The following CACNA2D3 variants were observed in gnomAD, a reference collection of about 807,000 sequenced individuals.
The protein encoded by CACNA2D3 is voltage-dependent calcium channel subunit alpha-2/delta-3.
CACNA2D3 carries 60 observed loss-of-function variants against 160.6 expected under a neutral mutation model. The observed-to-expected ratio is 0.37, with a 90% CI of 0.30 to 0.46. The LOEUF (loss-of-function observed/expected upper bound fraction) is 0.46, where lower values mean the gene tolerates loss of function less well. Among genes scored for constraint, CACNA2D3 ranks in the 20% least tolerant of loss-of-function variants. The pLI is 1.00. For missense variants in CACNA2D3, 1,205 were observed against 1,365.0 expected (o/e 0.88, Z 1.85); for synonymous variants, 558 against 492.9 (o/e 1.13, Z -1.75).
chr3:54,214,367 A>G (rs779711279), intron 2 of CACNA2D3, among the ~76,000 whole-genome samples: 14 of 152,076 alleles, frequency 9.2e-5, no homozygotes, highest in Non-Finnish European at 1.6e-4. Flanking sequence ...TTGCTTGGTA[A>G]ATACAAAGAG....
chr3:54,987,945 A>C (rs1286415762), intron 31 of CACNA2D3, among the ~76,000 whole-genome samples, 192 bp downstream of exon 31: 2 of 152,214 alleles, frequency 1.3e-5, no homozygotes, highest in East Asian at 3.9e-4. Context: ...TTAGAAACTC[A>C]GTTCACAATG....
chr3:54,298,301 T>C (rs1167801485), intron 2 of CACNA2D3, among the ~76,000 whole-genome samples: 1 of 152,234 alleles, frequency 6.6e-6, no homozygotes, highest in Non-Finnish European at 1.5e-5. Context: ...TTTTCTCAAC[T>C]TGGTATTTAT....
At chr3:54,835,055 A>G (rs1698646697) in intron 14 of CACNA2D3, among the ~76,000 whole-genome samples, 1 of 152,214 alleles carries the variant, frequency 6.6e-6, no homozygotes, top group South Asian at 2.1e-4. Context: ...CAGTTGCTCA[A>G]ACAACTGAGC....
At chr3:54,679,772 C>T (rs746293119) in intron 11 of CACNA2D3, among the ~76,000 whole-genome samples, 1 of 152,200 alleles carries the variant, frequency 6.6e-6, no homozygotes, top group African/African-American at 2.4e-5. Context: ...GTGAATATGG[C>T]GTCCAAAGGC....
intron 11 of CACNA2D3, among the ~76,000 whole-genome samples, chr3:54,666,276 T>G (rs562462806): frequency 6.6e-6 from 1 of 152,310 alleles, no homozygotes; most frequent in South Asian, 2.1e-4. Context: ...AAGAAATGTC[T>G]TCAAAGATAG....
intron 30 of CACNA2D3, among the ~76,000 whole-genome samples, chr3:54,985,039 C>G (rs571302617): frequency 1.4e-4 from 22 of 152,078 alleles, no homozygotes; most frequent in African/African-American, 5.1e-4. Context: ...TTTTTCCTTC[C>G]GATATTTCAT....
chr3:54,645,653 G>A (rs916102115), intron 11 of CACNA2D3, among the ~76,000 whole-genome samples: 6 of 152,220 alleles, frequency 3.9e-5, no homozygotes, highest in African/African-American at 1.2e-4. Flanking sequence ...CCCAGCCTCC[G>A]GGGATTTGTT....
At chr3:54,879,135 A>G in intron 19 of CACNA2D3, 46 bp downstream of exon 19, 1 of 1,269,734 alleles carries the variant, frequency 7.9e-7, no homozygotes, top group African/African-American at 1.5e-5. Flanking sequence ...AAAACAAACC[A>G]CTGTGAAAAA....
rs58297594 is a variant in CACNA2D3, at chr3:54,345,658, T to G, written c.321+25100T>G. Among the ~76,000 whole-genome samples, 678 of 152,226 alleles carry G rather than the reference T, an allele frequency of 4.5e-3. 17 individuals are homozygous for G. The East Asian group carries it at 0.08, about 18-fold the overall frequency. On this transcript the variant is annotated intron_variant, in intron 3 of 37. Transcript: ENST00000474759. ...GAGAACAGGAAAAGGAAGACTTTTT[T>G]TCTCTGTGAGGCTCAGTGTCACTTA...
At chr3:55,032,444 C>G (rs1703705527) in intron 35 of CACNA2D3, among the ~76,000 whole-genome samples, 1 of 152,166 alleles carries the variant, frequency 6.6e-6, no homozygotes, top group South Asian at 2.1e-4. Context: ...ATGCAAATCT[C>G]CATTAGGTGT....
At chr3:54,498,501 A>G (rs918317894) in intron 4 of CACNA2D3, among the ~76,000 whole-genome samples, 4 of 151,956 alleles carry the variant, frequency 2.6e-5, no homozygotes, top group African/African-American at 9.7e-5. Flanking sequence ...CTAGAATTTC[A>G]TAATTTTGTT....
At chr3:54,385,102 A>G (rs558871036) in intron 3 of CACNA2D3, among the ~76,000 whole-genome samples, 32 of 152,154 alleles carry the variant, frequency 2.1e-4, no homozygotes, top group Non-Finnish European at 3.1e-4. Flanking sequence ...GAGGTGAGGA[A>G]TGGGATGAAT....
chr3:54,176,115 G>T (rs1700672872), intron 2 of CACNA2D3, among the ~76,000 whole-genome samples: 1 of 152,186 alleles, frequency 6.6e-6, no homozygotes, highest in South Asian at 2.1e-4. Flanking sequence ...AGTTCAACAT[G>T]CACAAAGCAC....
At chr3:55,052,448 C>A (rs1026898070) in intron 35 of CACNA2D3, among the ~76,000 whole-genome samples, 1 of 122,300 alleles carries the variant, frequency 8.2e-6, no homozygotes. Context: ...ATGTATATAC[C>A]TGTGTGTGTA....
intron 4 of CACNA2D3, among the ~76,000 whole-genome samples, chr3:54,388,920 C>T (rs9852076): frequency 2.5e-4 from 38 of 152,152 alleles, no homozygotes; most frequent in African/African-American, 8.4e-4. Context: ...GTGACAGAAA[C>T]TCAACTCATA....
At chr3:54,655,664 C>T (rs1167488233) in intron 11 of CACNA2D3, among the ~76,000 whole-genome samples, 2 of 152,164 alleles carry the variant, frequency 1.3e-5, no homozygotes, top group South Asian at 2.1e-4. Flanking sequence ...TTTACCTGAA[C>T]TCCTGGTATC....
chr3:54,641,621 T>A (rs997905250), intron 10 of CACNA2D3, among the ~76,000 whole-genome samples: 1 of 152,218 alleles, frequency 6.6e-6, no homozygotes, highest in African/African-American at 2.4e-5. Flanking sequence ...TAAATAAATA[T>A]ATTTTGGAGT....
chr3:54,298,421 C>A (rs1559913918), intron 2 of CACNA2D3, among the ~76,000 whole-genome samples: 1 of 152,202 alleles, frequency 6.6e-6, no homozygotes, highest in Non-Finnish European at 1.5e-5. Flanking sequence ...ATGTGAACTT[C>A]AGGTTCATAA....
chr3:54,789,668 C>T (rs541331184), intron 13 of CACNA2D3, among the ~76,000 whole-genome samples: 5 of 152,270 alleles, frequency 3.3e-5, no homozygotes, highest in African/African-American at 1.2e-4. Flanking sequence ...TGATCTATGC[C>T]TCTGTTTCAT....
Sources: gnomAD v4.1 joint callset for allele counts (sites outside exome capture counted in the v4.1 genomes callset) on GRCh38, gnomAD v4.1.1 for gene constraint, MANE v1.5 for transcripts, NCBI Gene and HGNC (gene_info 2026-07-23, HGNC 2026-07-21) for gene names.